Variants in VSTM2B observed in about 807,000 individuals in gnomAD.
The protein encoded by VSTM2B is V-set and transmembrane domain-containing protein 2B.
VSTM2B carries 24 observed loss-of-function variants against 24.0 expected under a neutral mutation model. The ratio of observed to expected loss-of-function variants is 1.00; its 90% CI spans 0.72 to 1.40. The LOEUF (loss-of-function observed/expected upper bound fraction) is 1.40. Ranked by LOEUF, VSTM2B falls within the 40% of genes most tolerant of loss-of-function variation. VSTM2B has a pLI of 0.00. For synonymous variants in VSTM2B, 226 were observed against 194.4 expected (o/e 1.16, Z -1.35); for missense variants, 399 against 416.4 (o/e 0.96, Z 0.36).
chr19:29,536,330 T>C (rs1382725924), intron 4 of VSTM2B, among the ~76,000 whole-genome samples: 1 of 152,190 alleles, frequency 6.6e-6, no homozygotes, highest in East Asian at 1.9e-4. Flanking sequence ...ACTTACAGCT[T>C]GAAAGAAGCA....
At chr19:29,527,189 C>A (rs941233476) in intron 1 of VSTM2B, 22 bp from the exon 2 acceptor site, 5 of 1,539,800 alleles carry the variant, frequency 3.2e-6, no homozygotes, top group Non-Finnish European at 4.4e-6. Context: ...GGTCACGCCT[C>A]TCTCTCTCTC....
chr19:29,563,593 C>G (rs944748601), intron 4 of VSTM2B, among the ~76,000 whole-genome samples: 7 of 152,160 alleles, frequency 4.6e-5, no homozygotes, highest in Admixed American at 4.6e-4. Flanking sequence ...TTAGAGCTGT[C>G]ACTCCCCACT....
intron 4 of VSTM2B, among the ~76,000 whole-genome samples, chr19:29,556,296 T>C (rs969082272): frequency 3.3e-5 from 5 of 152,132 alleles, no homozygotes; most frequent in Non-Finnish European, 5.9e-5. Context: ...CATGATTATC[T>C]CAATAGACAT....
chr19:29,535,552 A>G (rs1969867792), intron 4 of VSTM2B, among the ~76,000 whole-genome samples: 1 of 152,180 alleles, frequency 6.6e-6, no homozygotes, highest in East Asian at 1.9e-4. Context: ...AATGAGAGAA[A>G]GACAGCCAAG....
At chr19:29,551,767 C>T (rs1970289935) in intron 4 of VSTM2B, among the ~76,000 whole-genome samples, 1 of 152,148 alleles carries the variant, frequency 6.6e-6, no homozygotes, top group African/African-American at 2.4e-5. Flanking sequence ...CAGCGCTATT[C>T]CTGGTACTCC....
chr19:29,555,789 A>G (rs1970391898), intron 4 of VSTM2B, among the ~76,000 whole-genome samples: 1 of 152,200 alleles, frequency 6.6e-6, no homozygotes, highest in Admixed American at 6.5e-5. Flanking sequence ...CCTCTATGCA[A>G]ATAAACTAAA....
chr19:29,558,297 T>A (rs1970456177), intron 4 of VSTM2B, among the ~76,000 whole-genome samples: 1 of 152,184 alleles, frequency 6.6e-6, no homozygotes, highest in South Asian at 2.1e-4. Context: ...TGGGAAACAG[T>A]GTGGTGATTC....
chr19:29,530,836 G>GC (rs1969739453), intron 4 of VSTM2B, among the ~76,000 whole-genome samples: 1 of 152,128 alleles, frequency 6.6e-6, no homozygotes, highest in Admixed American at 6.5e-5. Flanking sequence ...ATGCAGGATG[G>GC]CCCTAGGCAG....
At chr19:29,548,017 G>A (rs1191318188) in intron 4 of VSTM2B, among the ~76,000 whole-genome samples, 1 of 152,104 alleles carries the variant, frequency 6.6e-6, no homozygotes, top group African/African-American at 2.4e-5. Flanking sequence ...TCTGAAGGAT[G>A]GAGTGGTTAT....
At chr19:29,549,079 C>T (rs1970214209) in intron 4 of VSTM2B, among the ~76,000 whole-genome samples, 2 of 152,312 alleles carry the variant, frequency 1.3e-5, no homozygotes, top group South Asian at 4.1e-4. Context: ...GATTCTGGGG[C>T]CTTTCTAGGA....
At chr19:29,553,460 C>T (rs1177351158) in intron 4 of VSTM2B, among the ~76,000 whole-genome samples, 3 of 152,352 alleles carry the variant, frequency 2.0e-5, no homozygotes, top group Admixed American at 6.5e-5. Context: ...CAAAGGCCAG[C>T]AGCCTCAAAG....
intron 4 of VSTM2B, among the ~76,000 whole-genome samples, chr19:29,538,944 C>T (rs1411019438): frequency 6.6e-6 from 1 of 152,084 alleles, no homozygotes; most frequent in Non-Finnish European, 1.5e-5. Context: ...GGATGAACAT[C>T]CAAACCATCT....
At chr19:29,530,704 G>A (rs1259157688) in intron 4 of VSTM2B, among the ~76,000 whole-genome samples, 1 of 152,182 alleles carries the variant, frequency 6.6e-6, no homozygotes, top group Non-Finnish European at 1.5e-5. Flanking sequence ...GGCACCTGCT[G>A]GAGAGCGGGA....
intron 4 of VSTM2B, among the ~76,000 whole-genome samples, chr19:29,542,070 G>A (rs1193605625): frequency 6.6e-6 from 1 of 151,376 alleles, no homozygotes; most frequent in Non-Finnish European, 1.5e-5. Context: ...ATGGGTAGAA[G>A]GATGATGAGT....
rs1256914323 is a variant in VSTM2B at position 29,550,945 on chromosome 19, G to A, written c.770-12901G>A. On this transcript the variant is annotated intron_variant, in intron 4 of 4. Transcript: ENST00000335523. ...CCAGGCCCAAAGGATCTCAGCCCCA[G>A]TGGAGAGGGCTGCAGCTCTCTTCTA... Among the ~76,000 whole-genome samples, 3 of 152,198 alleles carry A rather than the reference G, an allele frequency of 2.0e-5. No individual in the cohort carries two copies. The South Asian group carries it at 6.2e-4, about 31-fold the overall frequency.
In VSTM2B at chr19:29,528,415, T is replaced by A. The variant is rs1048645149; in HGVS notation, c.268-18T>A. On this transcript the variant is annotated intron_variant, in intron 2 of 4. Transcript: ENST00000335523. ...AGGCCGCGAGCCTCACGTCTCTCTC[T>A]CCCTCTTTGCATTTTAGGTAACAAA... 7 of 1,551,074 alleles carry A rather than the reference T, an allele frequency of 4.5e-6. No individual in the cohort carries two copies. The highest frequency in any genetic ancestry group is 6.1e-6 in the Non-Finnish European group (7 of 1,146,954).
At chr19:29,551,660 G>A (rs1970287742) in intron 4 of VSTM2B, among the ~76,000 whole-genome samples, 1 of 152,262 alleles carries the variant, frequency 6.6e-6, no homozygotes, top group Admixed American at 6.5e-5. Flanking sequence ...CTTAATATAA[G>A]GAATGAATCA....
chr19:29,549,412 G>A (rs1970220311), intron 4 of VSTM2B, among the ~76,000 whole-genome samples: 1 of 139,088 alleles, frequency 7.2e-6, no homozygotes, highest in Non-Finnish European at 1.6e-5. Flanking sequence ...TGCCCCAGGA[G>A]AGCCTGATAC....
At chr19:29,561,268 C>T (rs1187753949) in intron 4 of VSTM2B, among the ~76,000 whole-genome samples, 1 of 151,758 alleles carries the variant, frequency 6.6e-6, no homozygotes, top group Non-Finnish European at 1.5e-5. Flanking sequence ...GCTGAGGTCA[C>T]ACCACTGCGC....
Sources: gnomAD v4.1 joint callset for allele counts (sites outside exome capture counted in the v4.1 genomes callset) on GRCh38, gnomAD v4.1.1 for gene constraint, MANE v1.5 for transcripts, NCBI Gene and HGNC (gene_info 2026-07-23, HGNC 2026-07-21) for gene names.